The following AGBL1 variants were observed in gnomAD, a reference collection of about 807,000 sequenced individuals.
AGBL1 encodes cytosolic carboxypeptidase 4.
In AGBL1, 130 loss-of-function variants were observed where a neutral mutation model predicts 118.9. The ratio of observed to expected loss-of-function variants is 1.09; its 90% CI spans 0.95 to 1.26. The LOEUF (loss-of-function observed/expected upper bound fraction) is 1.26, where lower values mean the gene tolerates loss of function less well. Ranked by LOEUF, AGBL1 falls within the 50% of genes most tolerant of loss-of-function variation. The pLI is 0.00. For missense variants in AGBL1, 1,584 were observed against 1,298.1 expected (o/e 1.22, Z -3.38); for synonymous variants, 555 against 478.9 (o/e 1.16, Z -2.08).
At position 86,286,739 on chromosome 15, in the gene AGBL1, A is replaced by ATATATATATATATATATATG. The variant is rs1223146019; in HGVS notation, c.2220+6966_2220+6967insTATATATATGTATATATATA. Among the ~76,000 whole-genome samples, 29 of 137,094 alleles carry ATATATATATATATATATATG rather than the reference A, an allele frequency of 2.1e-4. 2 individuals carry two copies. Among genetic ancestry groups the ATATATATATATATATATATG allele is most frequent in the Non-Finnish European group, 2.3e-4 (15 of 64,574 alleles). 89.9% of individuals were successfully genotyped at this position (137,094 alleles called of 152,430 possible). The stretch of plus-strand genomic sequence containing the variant: ...TGTGTGTGTGTGTTTGTGTGTGTAT[A>ATATATATATATATATATATG]TATATATATAAAACTCCATCAATGC... On this transcript the variant is annotated intron_variant, in intron 16 of 22. Transcript: ENST00000614907.
rs1279321554 is a variant in AGBL1 at position 86,574,132 on chromosome 15, G to A, written c.2994+19595G>A. On this transcript the variant is annotated intron_variant, in intron 21 of 22. Coordinates refer to ENST00000614907, the MANE Select transcript of AGBL1 (RefSeq NM_001386094.1). ...TGCTGCAATGGTCAAAGCAGTCAAGGAGGTCCACTCAGCTATGTGGGCTAT... is the reference window on the plus strand; with the variant it reads ...TGCTGCAATGGTCAAAGCAGTCAAGAAGGTCCACTCAGCTATGTGGGCTAT... Among the ~76,000 whole-genome samples, 4 of 152,216 alleles carry A rather than the reference G, an allele frequency of 2.6e-5. No homozygotes were observed. In the East Asian group the frequency reaches 7.7e-4, roughly 29 times the overall value.
intron 22 of AGBL1, among the ~76,000 whole-genome samples, chr15:86,769,087 G>GGGCT (rs1337806937): frequency 6.6e-6 from 1 of 151,644 alleles, no homozygotes; most frequent in Non-Finnish European, 1.5e-5. Flanking sequence ...GATCCAGTGA[G>GGGCT]GGCTTGATGG....
intron 21 of AGBL1, among the ~76,000 whole-genome samples, chr15:86,559,747 A>G (rs1269280473): frequency 6.6e-6 from 1 of 152,070 alleles, no homozygotes; most frequent in East Asian, 1.9e-4. Context: ...TAACTTGCTC[A>G]AGGTCCCACA....
At chr15:86,525,568 G>A (rs895411735) in intron 19 of AGBL1, among the ~76,000 whole-genome samples, 2 of 152,104 alleles carry the variant, frequency 1.3e-5, no homozygotes, top group Non-Finnish European at 2.9e-5. Flanking sequence ...AGAGAACCCA[G>A]AGATAAAGCC....
rs67431863 is a variant in AGBL1 at position 86,670,650 on chromosome 15, G to GTATA, written c.2995-3612_2995-3609dup. On this transcript the variant is annotated intron_variant, in intron 21 of 22. Transcript: ENST00000614907. ...ACAAACACGCTGTGTGTGTGTGTGT[G>GTATA]TATATATATATATAGCAAACTTATA... Among the ~76,000 whole-genome samples the GTATA allele has an allele frequency of 2.4e-3, 333 of 141,112 alleles. 5 individuals carry two copies. The highest frequency in any genetic ancestry group is 6.4e-3 in the African/African-American group (243 of 38,074). The allele number at this position is 141,112 out of a possible 152,430, so 92.6% of individuals were successfully genotyped here.
chr15:86,664,524 G>T (rs1290307140), intron 21 of AGBL1, among the ~76,000 whole-genome samples: 1 of 152,118 alleles, frequency 6.6e-6, no homozygotes, highest in Non-Finnish European at 1.5e-5. Flanking sequence ...CTTTGTAAAG[G>T]TTCTGAGAAT....
chr15:86,772,975 C>T lies in AGBL1; in HGVS notation c.3158+98539C>T, dbSNP rs997812040. The stretch of plus-strand genomic sequence containing the variant: ...CCCTTCCAAACCAGTGAACCCTTAA[C>T]GTGCAAAACTGAGCCACTGGCAGCT... On this transcript the variant is annotated intron_variant, in intron 22 of 22. Coordinates refer to ENST00000614907, the MANE Select transcript of AGBL1 (RefSeq NM_001386094.1). Among the ~76,000 whole-genome samples, 8 of 152,102 alleles carry T rather than the reference C, an allele frequency of 5.3e-5. No homozygotes were observed. In the South Asian group the frequency reaches 6.2e-4, roughly 12 times the overall value.
chr15:86,978,995 G>T (rs2081201648), intron 23 of AGBL1, among the ~76,000 whole-genome samples: 1 of 152,138 alleles, frequency 6.6e-6, no homozygotes, highest in Non-Finnish European at 1.5e-5. Context: ...TGTCTGTATT[G>T]AGCATTCTGG....
chr15:86,722,660 A>T lies in AGBL1; in HGVS notation c.3158+48224A>T, dbSNP rs575865942. ...ACAAAAGCCAAAATTGACAAATGGG[A>T]TCTAATTAAACTAAAGAGCTTCTGC... is the stretch of plus-strand genomic sequence containing the variant. On this transcript the variant is annotated intron_variant, in intron 22 of 22. Coordinates refer to ENST00000614907, the MANE Select transcript of AGBL1 (RefSeq NM_001386094.1). Among the ~76,000 whole-genome samples the T allele has an allele frequency of 3.9e-5, 6 of 152,366 alleles. No homozygotes were observed. The East Asian group carries it at 1.2e-3, about 29-fold the overall frequency.
chr15:86,195,157 A>G (rs560233615), intron 5 of AGBL1, among the ~76,000 whole-genome samples: 1 of 152,194 alleles, frequency 6.6e-6, no homozygotes, highest in African/African-American at 2.4e-5. Flanking sequence ...ATGAGTAGAA[A>G]AAGATATGGT....
rs1031315740 is a variant in AGBL1, at chr15:86,908,451, A to T, written c.*1157A>T. The T allele has an allele frequency of 5.9e-5, 9 of 152,130 alleles. No homozygotes were observed. Among genetic ancestry groups the T allele is most frequent in the African/African-American group, 2.2e-4 (9 of 41,400 alleles). 9.4% of individuals were successfully genotyped at this position (152,130 alleles called of 1,614,324 possible). On this transcript the variant is annotated 3_prime_UTR_variant, in exon 23 of 23. Transcript: ENST00000614907. ...TTGAACTTGGGAGGTGGAGGTTGCCATGAGCCGAGATTGCACCACTGCATT... is the reference window on the plus strand; with the variant it reads ...TTGAACTTGGGAGGTGGAGGTTGCCTTGAGCCGAGATTGCACCACTGCATT...
intron 5 of AGBL1, among the ~76,000 whole-genome samples, chr15:86,219,642 G>T (rs2078247101): frequency 6.6e-6 from 1 of 151,976 alleles, no homozygotes; most frequent in Admixed American, 6.6e-5. Context: ...TTGTCTCCAT[G>T]ACCACCATTG....
At chr15:86,124,559 A>G (rs1172010590) in intron 1 of AGBL1, among the ~76,000 whole-genome samples, 1 of 152,118 alleles carries the variant, frequency 6.6e-6, no homozygotes, top group Non-Finnish European at 1.5e-5. Context: ...AAAATATTTT[A>G]AAGATTTTTT....
chr15:86,556,149 T>C, intron 21 of AGBL1: 1 of 1,303,068 alleles, frequency 7.7e-7, no homozygotes, highest in Non-Finnish European at 1.1e-6. Flanking sequence ...AGCTGGAAAC[T>C]CAAAGTTCTC....
At chr15:86,499,301 C>G (rs2082890717) in intron 18 of AGBL1, among the ~76,000 whole-genome samples, 3 of 152,006 alleles carry the variant, frequency 2.0e-5, no homozygotes, top group South Asian at 4.2e-4. Context: ...TGAGAATTGT[C>G]TAATCTCTCC....
intron 15 of AGBL1, among the ~76,000 whole-genome samples, chr15:86,276,691 A>C (rs1736669842): frequency 6.6e-6 from 1 of 152,222 alleles, no homozygotes; most frequent in South Asian, 2.1e-4. Context: ...AATCTTGAGG[A>C]GTGAAGAAGA....
chr15:86,199,757 A>C (rs2077873812), intron 5 of AGBL1, among the ~76,000 whole-genome samples: 1 of 152,210 alleles, frequency 6.6e-6, no homozygotes, highest in Non-Finnish European at 1.5e-5. Flanking sequence ...TGGCCTCCAT[A>C]AAAGTTTTTA....
chr15:86,745,157 A>G (rs1253230236), intron 22 of AGBL1, among the ~76,000 whole-genome samples: 1 of 152,162 alleles, frequency 6.6e-6, no homozygotes, highest in Non-Finnish European at 1.5e-5. Flanking sequence ...TCAAGGAATG[A>G]CATCCTGGCA....
At chr15:86,440,484 G>GAAGAATAATAATAAT (rs137960742) in intron 18 of AGBL1, among the ~76,000 whole-genome samples, 4 of 144,504 alleles carry the variant, frequency 2.8e-5, no homozygotes, top group South Asian at 2.2e-4. Flanking sequence ...ATGGGATGGA[G>GAAGAATAATAATAAT]AATAATAATA....
Sources: gnomAD v4.1 joint callset for allele counts (sites outside exome capture counted in the v4.1 genomes callset) on GRCh38, gnomAD v4.1.1 for gene constraint, MANE v1.5 for transcripts, NCBI Gene and HGNC (gene_info 2026-07-23, HGNC 2026-07-21) for gene names.